Variants in CERKL observed in about 807,000 individuals in gnomAD.
CERKL encodes the protein ceramide kinase-like protein.
In CERKL, 61 loss-of-function variants were observed where a neutral mutation model predicts 63.4. That is an observed-to-expected ratio of 0.96 (90% CI 0.78 to 1.19). The LOEUF is 1.19. Ranked by LOEUF, CERKL falls within the 50% of genes most tolerant of loss-of-function variation. The pLI is 0.00. For missense variants in CERKL, 675 were observed against 655.5 expected, an observed-to-expected ratio of 1.03 and a Z score of -0.33; for synonymous variants, 250 against 230.5, an observed-to-expected ratio of 1.08 and a Z score of -0.77.
chr2:181,602,438 C>T (rs904896599), intron 2 of CERKL, among the ~76,000 whole-genome samples: 11 of 152,132 alleles, frequency 7.2e-5, no homozygotes, highest in Non-Finnish European at 1.2e-4. Flanking sequence ...GTAAAGGATT[C>T]ACTATTAAAG....
At chr2:181,635,892 G>T (rs1687159356) in intron 1 of CERKL, among the ~76,000 whole-genome samples, 1 of 152,140 alleles carries the variant, frequency 6.6e-6, no homozygotes, top group Non-Finnish European at 1.5e-5. Context: ...GAAATATTAT[G>T]AATGTATAAA....
chr2:181,628,918 A>G (rs1686827845), intron 1 of CERKL, among the ~76,000 whole-genome samples: 4 of 152,180 alleles, frequency 2.6e-5, no homozygotes. Flanking sequence ...TTGCATTTTC[A>G]GAGCCTTACC....
intron 1 of CERKL, among the ~76,000 whole-genome samples, chr2:181,631,886 A>G (rs189825894): frequency 7.1e-4 from 108 of 152,302 alleles, no homozygotes; most frequent in African/African-American, 2.4e-3. Flanking sequence ...TACCCCAACC[A>G]TTGTTAAACT....
chr2:181,569,868 T>A (rs1408704846), intron 3 of CERKL, among the ~76,000 whole-genome samples: 1 of 152,132 alleles, frequency 6.6e-6, no homozygotes. Context: ...ACATAAAAAT[T>A]ACAAAGAGGC....
At chr2:181,605,747 TA>T (rs1303127480) in intron 1 of CERKL, among the ~76,000 whole-genome samples, 1 of 152,016 alleles carries the variant, frequency 6.6e-6, no homozygotes, top group African/African-American at 2.4e-5. Flanking sequence ...GCAGAAAACA[TA>T]TGAACCAAAA....
At chr2:181,586,749 C>A (rs1202132280) in intron 2 of CERKL, among the ~76,000 whole-genome samples, 1 of 152,068 alleles carries the variant, frequency 6.6e-6, no homozygotes, top group African/African-American at 2.4e-5. Flanking sequence ...GTCAATGAAC[C>A]GTGAAGGGTG....
In CERKL at chr2:181,537,571, T is replaced by G. The variant is rs1238479628; in HGVS notation, c.*613A>C. On this transcript the variant is annotated 3_prime_UTR_variant, in exon 13 of 13. Coordinates refer to ENST00000410087, the MANE Select transcript of CERKL (RefSeq NM_201548.5). ...TAGGGAGCAGTGAATCAAGGCAGAC[T>G]TATGAAATCTGTATTATATTTGTAA... 2.3e-6 allele frequency: 1 copy of G among 432,830 alleles called. No individual in the cohort carries two copies. Among genetic ancestry groups the G allele is most frequent in the Non-Finnish European group, 4.6e-6 (1 of 217,180 alleles). The allele number at this position is 432,830 out of a possible 1,614,324, so 26.8% of individuals were successfully genotyped here. A position where few individuals can be genotyped will look rare whatever the true frequency, so the allele number is the denominator to read the frequency against.
intron 1 of CERKL, among the ~76,000 whole-genome samples, chr2:181,637,164 A>G (rs986447073): frequency 1.3e-5 from 2 of 152,212 alleles, no homozygotes; most frequent in Admixed American, 6.6e-5. Context: ...TTCAGGAAAT[A>G]CATGCCCTTA....
rs549578712 is a variant in CERKL at position 181,612,140 on chromosome 2, T to A, written c.239-8061A>T. ...TAAGTAACTTGTCTGTGGTCACACA[T>A]CTGGTAGGAACAGATCTAAGATTTG... On this transcript the variant is annotated intron_variant, in intron 1 of 12. Transcript: ENST00000410087. Among the ~76,000 whole-genome samples the A allele has an allele frequency of 2.6e-4, 39 of 152,352 alleles. 1 individual carries two copies. The South Asian group carries it at 8.1e-3, about 32-fold the overall frequency.
rs144793035 is a variant in CERKL, at chr2:181,547,694, G to C, written c.1192C>G (p.Gln398Glu). Reference sequence around the variant, plus strand: ...GCCATAATGCTGACATTCAAGAACTGACCCTGGATCATTTGCCATTGATCA... The same window carrying C: ...GCCATAATGCTGACATTCAAGAACTCACCCTGGATCATTTGCCATTGATCA... ...CNDQWQMIQGQFLNVSIMAIP... is the reference protein window; with the variant it reads ...CNDQWQMIQGEFLNVSIMAIP... Residue 398 changes from glutamine to glutamate, a missense_variant, in exon 10 of 13, where the codon CAG (glutamine) becomes GAG (glutamate). Physicochemically the swap from Gln to Glu is conservative, Grantham distance 29. Coordinates refer to ENST00000410087, the MANE Select transcript of CERKL (RefSeq NM_201548.5). 6 of 1,613,900 alleles carry C rather than the reference G, an allele frequency of 3.7e-6. No homozygotes were observed. The highest frequency in any genetic ancestry group is 4.2e-6 in the Non-Finnish European group (5 of 1,179,956).
chr2:181,595,735 T>C (rs774204864), intron 2 of CERKL, among the ~76,000 whole-genome samples: 22 of 152,202 alleles, frequency 1.4e-4, no homozygotes, highest in Non-Finnish European at 2.1e-4. Flanking sequence ...ATGATAATGA[T>C]AATAAAATTC....
intron 2 of CERKL, among the ~76,000 whole-genome samples, chr2:181,597,052 G>A (rs1457023675): frequency 6.6e-6 from 1 of 151,904 alleles, no homozygotes; most frequent in African/African-American, 2.4e-5. Context: ...TTATGTGGAG[G>A]TCTTGGCAGT....
rs1170157456 is a variant in CERKL at position 181,538,061 on chromosome 2, A to G, written c.*123T>C. On this transcript the variant is annotated 3_prime_UTR_variant, in exon 13 of 13. Coordinates refer to ENST00000410087, the MANE Select transcript of CERKL (RefSeq NM_201548.5). ...TCATCCTGAAACCATTCCCCCATCC[A>G]CGGAAAAATTGTCTTCCATGAAACT... 2 of 714,038 alleles carry G rather than the reference A, an allele frequency of 2.8e-6. No homozygotes were observed. Among genetic ancestry groups the G allele is most frequent in the Non-Finnish European group, 5.2e-6 (2 of 384,850 alleles). The allele number at this position is 714,038 out of a possible 1,614,324, so 44.2% of individuals were successfully genotyped here. A position where few individuals can be genotyped will look rare whatever the true frequency, so the allele number is the denominator to read the frequency against.
In CERKL at chr2:181,537,763, T is replaced by C. The variant is rs1330382810; in HGVS notation, c.*421A>G. On this transcript the variant is annotated 3_prime_UTR_variant, in exon 13 of 13. Coordinates refer to ENST00000410087, the MANE Select transcript of CERKL (RefSeq NM_201548.5). ...GTAAAAAAAAGAATTTGAATTGATATCTAAAAACAGAATTTGAATTGATAT... is the reference window on the plus strand; with the variant it reads ...GTAAAAAAAAGAATTTGAATTGATACCTAAAAACAGAATTTGAATTGATAT... 4.5e-6 allele frequency: 2 copies of C among 448,552 alleles called. No individual in the cohort carries two copies. Among genetic ancestry groups the C allele is most frequent in the South Asian group, 1.6e-5 (1 of 62,556 alleles). The allele number at this position is 448,552 out of a possible 1,614,324, so 27.8% of individuals were successfully genotyped here.
chr2:181,653,622 G>A (rs778047810), intron 1 of CERKL, among the ~76,000 whole-genome samples: 3 of 152,172 alleles, frequency 2.0e-5, no homozygotes, highest in Non-Finnish European at 4.4e-5. Context: ...GGAGGACATC[G>A]TGTTAAGAGA....
intron 1 of CERKL, among the ~76,000 whole-genome samples, chr2:181,637,169 C>A (rs1476740478): frequency 2.0e-5 from 3 of 152,042 alleles, no homozygotes; most frequent in Admixed American, 6.6e-5. Context: ...GAAATACATG[C>A]CCTTATACAA....
In CERKL at chr2:181,656,989, G is replaced by C. The variant is rs1226064088; in HGVS notation, c.18C>G (p.Arg6=). MPWRR[R]RNRVSALEGG... ...CCTCCAGGGCACTCACCCGGTTCCT[G>C]CGCCTCCTCCAGGGCATGGCGGAGT... is the stretch of plus-strand genomic sequence containing the variant. Residue 6 remains arginine, a synonymous_variant, in exon 1 of 13, where the codon CGC becomes CGG. Coordinates refer to ENST00000410087, the MANE Select transcript of CERKL (RefSeq NM_201548.5). The C allele has an allele frequency of 1.9e-6, 3 of 1,581,110 alleles. No individual in the cohort carries two copies. The highest frequency in any genetic ancestry group is 2.3e-5 in the South Asian group (2 of 88,574).
chr2:181,592,106 CTTCT>C (rs1180716965), intron 2 of CERKL, among the ~76,000 whole-genome samples: 3 of 152,068 alleles, frequency 2.0e-5, no homozygotes, highest in Admixed American at 2.0e-4. Flanking sequence ...AAAGGGAAGA[CTTCT>C]TTATCTTTCT....
intron 1 of CERKL, among the ~76,000 whole-genome samples, chr2:181,613,676 C>A (rs565449326): frequency 1.3e-5 from 2 of 152,272 alleles, no homozygotes; most frequent in East Asian, 3.9e-4. Flanking sequence ...TTTGTGAATT[C>A]TTTTACAAAT....
Sources: gnomAD v4.1 joint callset for allele counts (sites outside exome capture counted in the v4.1 genomes callset) on GRCh38, gnomAD v4.1.1 for gene constraint, MANE v1.5 for transcripts, NCBI Gene and HGNC (gene_info 2026-07-23, HGNC 2026-07-21) for gene names.